ATP10B: variants seen among roughly 807,000 people sequenced by gnomAD.
ATP10B encodes ATPase phospholipid transporting 10B (putative), also known as phospholipid-transporting ATPase VB.
A neutral mutation model predicts 141.2 loss-of-function variants in ATP10B; 122 were observed. That is an observed-to-expected ratio of 0.86 (90% CI 0.75 to 1.00). The LOEUF is 1.00. Ranked by LOEUF, ATP10B falls within the 50% of genes least tolerant of loss-of-function variation. The pLI is 0.00. For synonymous variants in ATP10B, 685 were observed against 692.0 expected, an observed-to-expected ratio of 0.99 and a Z score of 0.16; for missense variants, 1,876 against 1,825.3, an observed-to-expected ratio of 1.03 and a Z score of -0.51.
chr5:160,634,242 T>TG, intron 12 of ATP10B, 112 bp downstream of exon 12: 1 of 1,496,558 alleles, frequency 6.7e-7, no homozygotes, highest in Non-Finnish European at 9.3e-7. Context: ...CTTGTGGAAA[T>TG]GCCACACAGC....
chr5:160,882,193 A>G, the ATP10B span, among the ~76,000 whole-genome samples: 15 of 152,240 alleles, frequency 9.9e-5, no homozygotes, highest in Non-Finnish European at 1.9e-4. Flanking sequence ...ATATCATTAT[A>G]TATTTGTCCA....
At chr5:160,848,822 A>T (rs1753604320) in intron 1 of ATP10B, among the ~76,000 whole-genome samples, 1 of 152,190 alleles carries the variant, frequency 6.6e-6, no homozygotes, top group Non-Finnish European at 1.5e-5. Context: ...TAGCTATTTG[A>T]TATAATACGT....
chr5:160,695,216 C>T (rs996781517), intron 3 of ATP10B, among the ~76,000 whole-genome samples: 1 of 152,202 alleles, frequency 6.6e-6, no homozygotes, highest in African/African-American at 2.4e-5. Context: ...TTATGTCTCT[C>T]TCTTGATTTC....
chr5:160,873,747 C>G, the ATP10B span, among the ~76,000 whole-genome samples: 1 of 152,230 alleles, frequency 6.6e-6, no homozygotes, highest in Non-Finnish European at 1.5e-5. Context: ...AGGGAGGTCC[C>G]TTTCCGAGTC....
At chr5:160,909,006 G>A in the ATP10B span, among the ~76,000 whole-genome samples, 1 of 152,052 alleles carries the variant, frequency 6.6e-6, no homozygotes, top group African/African-American at 2.4e-5. Flanking sequence ...TATCTACTAT[G>A]TGCCAGGTAC....
At position 160,772,092 on chromosome 5, in the gene ATP10B, G is replaced by T. The variant is rs114377954; in HGVS notation, c.-331+13467C>A. 4.4e-3 allele frequency among the ~76,000 whole-genome samples: 676 copies of T among 152,352 alleles called. 7 individuals are homozygous for T. Among genetic ancestry groups the T allele is most frequent in the African/African-American group, 0.016 (648 of 41,580 alleles). On this transcript the variant is annotated intron_variant, in intron 2 of 25. Transcript: ENST00000327245. ...TAGCGCTGCAGTGAACGTGAGAGCA[G>T]AGATTTCTCTTAGATATACTGATTT...
intron 2 of ATP10B, among the ~76,000 whole-genome samples, chr5:160,726,995 G>T (rs1182672058): frequency 6.6e-6 from 1 of 152,108 alleles, no homozygotes; most frequent in Non-Finnish European, 1.5e-5. Context: ...AAGGAACTAA[G>T]GTACTTCTTA....
At chr5:160,640,181 A>C (rs1330326949) in intron 10 of ATP10B, among the ~76,000 whole-genome samples, 1 of 152,258 alleles carries the variant, frequency 6.6e-6, no homozygotes, top group East Asian at 1.9e-4. Context: ...GGAAACAAAT[A>C]CAGTCTGATT....
intron 3 of ATP10B, among the ~76,000 whole-genome samples, chr5:160,697,290 C>T (rs1764424038): frequency 6.6e-6 from 1 of 152,074 alleles, no homozygotes; most frequent in Non-Finnish European, 1.5e-5. Flanking sequence ...TCAGTGAGGC[C>T]TTCGTGGGAA....
intron 13 of ATP10B, among the ~76,000 whole-genome samples, chr5:160,624,623 G>C (rs1025285343): frequency 7.2e-5 from 11 of 152,156 alleles, no homozygotes; most frequent in Non-Finnish European, 1.6e-4. Context: ...CTCTGCCTTT[G>C]ACTCCAGTCT....
rs532125828 is a variant in ATP10B, at chr5:160,657,228, G to A, written c.676-7972C>T. The stretch of plus-strand genomic sequence containing the variant: ...AATGGTGAAAGCAAATGTTCTTCAC[G>A]CCCCAGCTGCTGAGCTAGGTGATTG... On this transcript the variant is annotated intron_variant, in intron 7 of 25. Transcript: ENST00000327245. Among the ~76,000 whole-genome samples, 7 of 152,132 alleles carry A rather than the reference G, an allele frequency of 4.6e-5. No homozygotes were observed. In the East Asian group the frequency reaches 1.2e-3, roughly 25 times the overall value.
chr5:160,902,573 C>T, the ATP10B span, among the ~76,000 whole-genome samples: 2 of 152,084 alleles, frequency 1.3e-5, no homozygotes, highest in Non-Finnish European at 2.9e-5. Flanking sequence ...TTCTTGAAGT[C>T]GGTTCTGAGA....
chr5:160,872,546 A>G, the ATP10B span, among the ~76,000 whole-genome samples: 261 of 152,238 alleles, frequency 1.7e-3, 1 homozygote, highest in African/African-American at 5.9e-3. Flanking sequence ...TCTTGAATTG[A>G]TTTTTGTATG....
At chr5:160,607,185 C>T in intron 18 of ATP10B, 99 bp from the exon 19 acceptor site, 2 of 970,400 alleles carry the variant, frequency 2.1e-6, no homozygotes, top group Non-Finnish European at 3.1e-6. Flanking sequence ...TAAAACTCTA[C>T]TACCATAGAG....
At chr5:160,917,536 A>G in the ATP10B span, among the ~76,000 whole-genome samples, 1 of 152,224 alleles carries the variant, frequency 6.6e-6, no homozygotes, top group African/African-American at 2.4e-5. Context: ...AATGGCAGAA[A>G]AACATTCAGC....
intron 2 of ATP10B, among the ~76,000 whole-genome samples, chr5:160,759,169 A>G (rs1360299489): frequency 6.6e-6 from 1 of 152,170 alleles, no homozygotes; most frequent in Non-Finnish European, 1.5e-5. Context: ...GATTCTAATC[A>G]TTTTCTCTGA....
chr5:160,729,702 G>A (rs1317544557), intron 2 of ATP10B, among the ~76,000 whole-genome samples: 2 of 152,160 alleles, frequency 1.3e-5, no homozygotes, highest in Non-Finnish European at 2.9e-5. Flanking sequence ...CTTTCCAAGA[G>A]GAGAAAATGG....
chr5:160,591,706 C>T (rs1756307029), intron 22 of ATP10B, among the ~76,000 whole-genome samples: 1 of 152,098 alleles, frequency 6.6e-6, no homozygotes, highest in Non-Finnish European at 1.5e-5. Flanking sequence ...TTGTGCCTTC[C>T]CCAGGAAAAG....
intron 24 of ATP10B, among the ~76,000 whole-genome samples, chr5:160,585,049 TTTTCATTCTCAA>T (rs1227285425): frequency 1.3e-5 from 2 of 152,208 alleles, no homozygotes; most frequent in Non-Finnish European, 2.9e-5. Context: ...TTTTGATAAA[TTTTCATTCTCAA>T]TGACAATTTC....
Sources: gnomAD v4.1 joint callset for allele counts (sites outside exome capture counted in the v4.1 genomes callset) on GRCh38, gnomAD v4.1.1 for gene constraint, MANE v1.5 for transcripts, NCBI Gene and HGNC (gene_info 2026-07-23, HGNC 2026-07-21) for gene names.